The following LUC7L2 variants were observed in gnomAD, a reference collection of about 807,000 sequenced individuals.
LUC7L2 encodes the protein LUC7 like 2, pre-mRNA splicing factor.
LUC7L2 carries 25 observed loss-of-function variants against 52.8 expected under a neutral mutation model. The observed-to-expected ratio is 0.47, with a 90% CI of 0.34 to 0.66. The LOEUF is 0.66. Ranked by LOEUF, LUC7L2 falls within the 30% of genes least tolerant of loss-of-function variation. The pLI, the probability that LUC7L2 is intolerant of heterozygous loss-of-function variation, is 0.01. For synonymous variants in LUC7L2, 144 were observed against 160.9 expected (o/e 0.89, Z 0.80); for missense variants, 328 against 497.8 (o/e 0.66, Z 3.25).
upstream of LUC7L2, chr7:139,359,835 A>G (rs1489812792): frequency 1.7e-4 from 68 of 408,050 alleles, no homozygotes; most frequent in East Asian, 2.2e-3. Flanking sequence ...GGAGTGATAC[A>G]GCTGGACGCC....
intron 8 of LUC7L2, among the ~76,000 whole-genome samples, chr7:139,415,943 CAT>C (rs1025818435): frequency 3.3e-5 from 5 of 150,930 alleles, no homozygotes; most frequent in Admixed American, 6.6e-5. Context: ...TAAACTATCT[CAT>C]ATGTATAATA....
Position 139,362,830 on chromosome 7 carries a change from A to C in LUC7L2, c.61+2508A>C, listed in dbSNP as rs920903569. ...CCCCTCCCCTTCCTGACAGTTTTTA[A>C]TTAGTTCCTTTTAAAATTCATTGGA... On this transcript the variant is annotated intron_variant, in intron 1 of 9. Coordinates refer to ENST00000354926, the MANE Select transcript of LUC7L2 (RefSeq NM_016019.5). Among the ~76,000 whole-genome samples, 4 of 151,726 alleles carry C rather than the reference A, an allele frequency of 2.6e-5. No homozygotes were observed. The East Asian group carries it at 7.7e-4, about 29-fold the overall frequency.
chr7:139,361,460 A>C (rs908453687), intron 1 of LUC7L2, among the ~76,000 whole-genome samples: 5 of 152,262 alleles, frequency 3.3e-5, no homozygotes, highest in Non-Finnish European at 2.9e-5. Context: ...GTAAATTTTA[A>C]AAATTTTATT....
chr7:139,358,052 G>A (rs1002438083), upstream of LUC7L2, among the ~76,000 whole-genome samples: 13 of 151,786 alleles, frequency 8.6e-5, no homozygotes, highest in African/African-American at 3.2e-4. Context: ...TTTGTACCCA[G>A]CCTGGAGTGC....
chr7:139,411,489 T>A (rs1192984348), intron 7 of LUC7L2, among the ~76,000 whole-genome samples: 1 of 152,192 alleles, frequency 6.6e-6, no homozygotes, highest in African/African-American at 2.4e-5. Flanking sequence ...TATCCCTCTT[T>A]TGCTAGTGAC....
intron 4 of LUC7L2, among the ~76,000 whole-genome samples, chr7:139,404,080 TAGAG>T (rs763292478): frequency 6.6e-6 from 1 of 152,174 alleles, no homozygotes; most frequent in Non-Finnish European, 1.5e-5. Flanking sequence ...TACCATTTGG[TAGAG>T]AGGGAGGATA....
chr7:139,385,071 T>A (rs1016035355), intron 2 of LUC7L2, among the ~76,000 whole-genome samples: 1 of 152,184 alleles, frequency 6.6e-6, no homozygotes, highest in African/African-American at 2.4e-5. Context: ...TTGTTTCTAG[T>A]TGAGGGTTGT....
At chr7:139,417,875 A>T (rs1795696856) in intron 9 of LUC7L2, 146 bp downstream of exon 9, 2 of 1,186,394 alleles carry the variant, frequency 1.7e-6, no homozygotes, top group Non-Finnish European at 2.3e-6. Context: ...GTGTGGGTGT[A>T]CAACATTTTT....
chr7:139,385,606 C>A (rs573062633), intron 2 of LUC7L2, among the ~76,000 whole-genome samples: 2 of 152,210 alleles, frequency 1.3e-5, no homozygotes, highest in South Asian at 4.1e-4. Context: ...TGGAGGTGAA[C>A]AACTGTACCC....
chr7:139,395,996 C>T (rs1418704278), intron 2 of LUC7L2, among the ~76,000 whole-genome samples: 2 of 151,832 alleles, frequency 1.3e-5, no homozygotes, highest in African/African-American at 2.4e-5. Context: ...TCTAAGAGTC[C>T]GAAGGAAGAA....
At chr7:139,405,325 G>GGA (rs760542417) in intron 4 of LUC7L2, among the ~76,000 whole-genome samples, 2 of 152,162 alleles carry the variant, frequency 1.3e-5, no homozygotes. Flanking sequence ...GTGAGGTGGG[G>GGA]GAGTAGCAAG....
intron 5 of LUC7L2, 48 bp from the exon 6 acceptor site, chr7:139,407,126 A>T: frequency 6.6e-7 from 1 of 1,520,904 alleles, no homozygotes. Flanking sequence ...TAATTGTATG[A>T]CTTTTAGTGA....
chr7:139,363,856 A>C (rs2131183689), intron 1 of LUC7L2, among the ~76,000 whole-genome samples: 1 of 152,312 alleles, frequency 6.6e-6, no homozygotes, highest in Admixed American at 6.5e-5. Context: ...CCTTAGCTAA[A>C]GCCCCTTTGC....
At chr7:139,418,883 C>G (rs979039093) in intron 9 of LUC7L2, among the ~76,000 whole-genome samples, 4 of 152,000 alleles carry the variant, frequency 2.6e-5, no homozygotes, top group Admixed American at 2.6e-4. Context: ...TTTGGGAGAC[C>G]GAGATGGGCG....
chr7:139,353,723 G>T (rs998675113), intron 1 of LUC7L2, among the ~76,000 whole-genome samples: 1 of 151,970 alleles, frequency 6.6e-6, no homozygotes, highest in Non-Finnish European at 1.5e-5. Context: ...AATCCGGGAG[G>T]TGGAGGTTGC....
At chr7:139,412,840 A>AG (rs1279286468) in intron 8 of LUC7L2, 1 of 231,634 alleles carries the variant, frequency 4.3e-6, no homozygotes, top group Non-Finnish European at 8.2e-6. Flanking sequence ...AAAAAAAAAA[A>AG]AAAAAAAAGA....
At chr7:139,405,518 CAGAA>C (rs1795080634) in intron 4 of LUC7L2, 122 bp from the exon 5 acceptor site, 2 of 1,235,972 alleles carry the variant, frequency 1.6e-6, no homozygotes, top group South Asian at 3.4e-5. Flanking sequence ...GGGATACGCT[CAGAA>C]AGCATTCTTT....
At chr7:139,371,857 A>G (rs1482285965) in intron 1 of LUC7L2, among the ~76,000 whole-genome samples, 2 of 152,176 alleles carry the variant, frequency 1.3e-5, no homozygotes, top group African/African-American at 4.8e-5. Flanking sequence ...GCTCTGATAC[A>G]TTGGTGACAG....
intron 1 of LUC7L2, chr7:139,340,647 G>A (rs1209534775): frequency 5.0e-6 from 2 of 396,160 alleles, no homozygotes; most frequent in South Asian, 1.4e-4. Flanking sequence ...TGACGATGAC[G>A]TACCAAAGAG....
Sources: allele counts gnomAD v4.1 joint callset (sites outside exome capture counted in the v4.1 genomes callset), GRCh38; gene constraint gnomAD v4.1.1; transcripts MANE v1.5; gene names NCBI Gene and HGNC (gene_info 2026-07-23, HGNC 2026-07-21).